The following LOXHD1 variants were observed in gnomAD, a reference collection of about 807,000 sequenced individuals.
LOXHD1 encodes lipoxygenase homology domain-containing protein 1.
Under a neutral mutation model 248.2 loss-of-function variants are expected in LOXHD1, and 205 were observed. That is an observed-to-expected ratio of 0.83 (90% confidence interval 0.74 to 0.93). The LOEUF is 0.93. LOXHD1 is among the 40% of genes least tolerant of loss of function. LOXHD1 has a pLI of 0.00. For synonymous variants in LOXHD1, 1,113 were observed against 1,162.8 expected, an observed-to-expected ratio of 0.96 and a Z score of 0.87; for missense variants, 2,930 against 2,971.6, an observed-to-expected ratio of 0.99 and a Z score of 0.33.
intron 40 of LOXHD1, among the ~76,000 whole-genome samples, chr18:46,480,672 CA>C (rs1185221882): frequency 6.6e-6 from 1 of 151,946 alleles, no homozygotes; most frequent in African/African-American, 2.4e-5. Context: ...AGAGTAAAGG[CA>C]AAAGCAGAGA....
At chr18:46,494,064 T>C (rs1170117637) in intron 37 of LOXHD1, among the ~76,000 whole-genome samples, 2 of 152,186 alleles carry the variant, frequency 1.3e-5, no homozygotes, top group African/African-American at 2.4e-5. Context: ...CCTCACTTCC[T>C]CTGCAATGCC....
intron 22 of LOXHD1, among the ~76,000 whole-genome samples, chr18:46,545,627 C>CTTTTTTTTTTTTTTTTT (rs56323729): frequency 1.1e-4 from 10 of 92,244 alleles, no homozygotes; most frequent in African/African-American, 4.4e-4. Context: ...TTGGCCATTT[C>CTTTTTTTTTTTTTTTTT]TTTTTTTTTT....
intron 13 of LOXHD1, among the ~76,000 whole-genome samples, 199 bp from the exon 14 acceptor site, chr18:46,578,066 G>A (rs962243603): frequency 2.6e-5 from 4 of 152,196 alleles, no homozygotes; most frequent in African/African-American, 4.8e-5. Context: ...ATCATCCAAT[G>A]TCAAGTTTCC....
chr18:46,498,697 C>T (rs373530720), intron 37 of LOXHD1, among the ~76,000 whole-genome samples: 162 of 152,284 alleles, frequency 1.1e-3, no homozygotes, highest in African/African-American at 3.7e-3. Flanking sequence ...TTTATAAAGA[C>T]ACAAGTCGTC....
intron 26 of LOXHD1, among the ~76,000 whole-genome samples, chr18:46,534,929 A>T (rs1168867055): frequency 6.6e-6 from 1 of 152,134 alleles, no homozygotes; most frequent in East Asian, 1.9e-4. Flanking sequence ...CTAGAACTCC[A>T]CATTCCTTGC....
At position 46,521,157 on chromosome 18, in the gene LOXHD1, G is replaced by C; in HGVS notation, c.5211C>G (p.Asp1737Glu). 6.4e-7 allele frequency: 1 copy of C among 1,551,704 alleles called. No homozygotes were observed. The highest frequency in any genetic ancestry group is 8.7e-7 in the Non-Finnish European group (1 of 1,146,994). The change falls in exon 33 of 41, where the codon GAC becomes GAG. Residue 1737 changes from aspartate (D) to glutamate (E), a missense_variant. Asp to Glu is a conservative substitution (Grantham distance 45). Coordinates refer to ENST00000642948, the MANE Select transcript of LOXHD1 (RefSeq NM_001384474.1). Reference protein sequence around the residue: ...CNCWLAKDRGDGITSRVFDLL... With the variant: ...CNCWLAKDRGEGITSRVFDLL... ...GGTCGAAGACACGGGAGGTGATGCC[G>C]TCGCCTCTGTCCTTGGCCAGCCAGC...
At chr18:46,617,284 T>C (rs2038601003) in intron 5 of LOXHD1, among the ~76,000 whole-genome samples, 1 of 152,216 alleles carries the variant, frequency 6.6e-6, no homozygotes, top group South Asian at 2.1e-4. Context: ...AATTTTTTCC[T>C]GGTCTATTTT....
intron 21 of LOXHD1, among the ~76,000 whole-genome samples, chr18:46,554,366 G>C (rs749219768): frequency 2.0e-5 from 3 of 152,136 alleles, no homozygotes; most frequent in Non-Finnish European, 4.4e-5. Flanking sequence ...GGCTGCAAAG[G>C]CCTTATTTCA....
intron 37 of LOXHD1, among the ~76,000 whole-genome samples, chr18:46,493,626 G>T (rs2033640984): frequency 6.6e-6 from 1 of 152,200 alleles, no homozygotes; most frequent in Non-Finnish European, 1.5e-5. Flanking sequence ...GCAGTGAGTG[G>T]TGGCCTGTCC....
At chr18:46,534,756 A>G (rs1284947898) in intron 26 of LOXHD1, among the ~76,000 whole-genome samples, 1 of 152,168 alleles carries the variant, frequency 6.6e-6, no homozygotes, top group Non-Finnish European at 1.5e-5. Context: ...CTGTTGTAGC[A>G]ACTCATCCCC....
chr18:46,629,806 A>G (rs567325270), intron 4 of LOXHD1, among the ~76,000 whole-genome samples: 33 of 151,202 alleles, frequency 2.2e-4, no homozygotes, highest in East Asian at 1.4e-3. Flanking sequence ...AAAAAAAAAA[A>G]AGAAAAAAAG....
intron 37 of LOXHD1, among the ~76,000 whole-genome samples, chr18:46,499,153 T>C (rs1286102268): frequency 6.6e-6 from 1 of 152,248 alleles, no homozygotes; most frequent in Non-Finnish European, 1.5e-5. Context: ...CAATTATGAC[T>C]GGCAAGACAA....
chr18:46,492,770 A>G (rs2033577637), intron 37 of LOXHD1, among the ~76,000 whole-genome samples: 1 of 152,202 alleles, frequency 6.6e-6, no homozygotes, highest in South Asian at 2.1e-4. Context: ...GACAAACTAT[A>G]TCAAAATATA....
intron 5 of LOXHD1, among the ~76,000 whole-genome samples, chr18:46,615,339 A>T (rs902766283): frequency 6.6e-6 from 1 of 152,230 alleles, no homozygotes; most frequent in Admixed American, 6.5e-5. Flanking sequence ...GGAATGACCC[A>T]GTATGTGATG....
At chr18:46,561,342 A>G (rs2037527009) in intron 18 of LOXHD1, among the ~76,000 whole-genome samples, 1 of 152,168 alleles carries the variant, frequency 6.6e-6, no homozygotes, top group African/African-American at 2.4e-5. Flanking sequence ...TAACTGGCCC[A>G]AAGGGCAGTG....
chr18:46,488,291 A>G (rs1413560233), intron 38 of LOXHD1, among the ~76,000 whole-genome samples: 1 of 152,220 alleles, frequency 6.6e-6, no homozygotes, highest in East Asian at 1.9e-4. Flanking sequence ...CCAAACACAC[A>G]TACTGGACTG....
rs2038178572 is a variant in LOXHD1, at chr18:46,592,000, A to G, written c.1587T>C (p.Asn529=). 2 of 1,552,100 alleles carry G rather than the reference A, an allele frequency of 1.3e-6. No individual in the cohort carries two copies. Among genetic ancestry groups the G allele is most frequent in the African/African-American group, 1.4e-5 (1 of 73,140 alleles). Reference sequence around the variant, plus strand: ...CCCTCACTATCTCATTGTCATCCTCATTGGCATCCAGCCAGCGGTTGCAAT... The same window carrying G: ...CCCTCACTATCTCATTGTCATCCTCGTTGGCATCCAGCCAGCGGTTGCAAT... ...NFNCNRWLDA[N]EDDNEIVREM... is the part of the protein sequence containing the mutation. The change falls in exon 12 of 41, where the codon AAT becomes AAC. Residue 529 remains asparagine, a synonymous_variant. Coordinates refer to ENST00000642948, the MANE Select transcript of LOXHD1 (RefSeq NM_001384474.1).
chr18:46,536,390 A>C (rs1448946367), intron 26 of LOXHD1, among the ~76,000 whole-genome samples: 2 of 152,178 alleles, frequency 1.3e-5, no homozygotes, highest in Non-Finnish European at 2.9e-5. Context: ...AATCAATCAG[A>C]AAAGGGAAGT....
At chr18:46,580,338 A>G (rs2037939517) in intron 12 of LOXHD1, among the ~76,000 whole-genome samples, 1 of 152,234 alleles carries the variant, frequency 6.6e-6, no homozygotes, top group South Asian at 2.1e-4. Context: ...TTCTCCATGA[A>G]CAAGAATTGT....
Sources: allele counts gnomAD v4.1 joint callset (sites outside exome capture counted in the v4.1 genomes callset), GRCh38; gene constraint gnomAD v4.1.1; transcripts MANE v1.5; gene names NCBI Gene and HGNC (gene_info 2026-07-23, HGNC 2026-07-21).